Variants in TSPEAR observed in about 807,000 individuals in gnomAD.
The protein encoded by TSPEAR is thrombospondin type laminin G domain and EAR repeats.
A neutral mutation model predicts 71.6 loss-of-function variants in TSPEAR; 69 were observed. The ratio of observed to expected loss-of-function variants is 0.96; its 90% CI spans 0.79 to 1.18. TSPEAR has a LOEUF of 1.18. Ranked by LOEUF, TSPEAR falls within the 50% of genes most tolerant of loss-of-function variation. The pLI is 0.00. For missense variants in TSPEAR, 971 were observed against 894.9 expected, an observed-to-expected ratio of 1.09 and a Z score of -1.09; for synonymous variants, 402 against 387.2, an observed-to-expected ratio of 1.04 and a Z score of -0.45.
chr21:44,523,996 A>G (rs2052792586), intron 8 of TSPEAR, among the ~76,000 whole-genome samples: 1 of 151,506 alleles, frequency 6.6e-6, no homozygotes, highest in Non-Finnish European at 1.5e-5. Flanking sequence ...TCAGTCAGGT[A>G]GTCAGTCAGG....
intron 3 of TSPEAR, among the ~76,000 whole-genome samples, chr21:44,532,739 G>A (rs1025715167): frequency 2.8e-4 from 42 of 152,178 alleles, no homozygotes; most frequent in African/African-American, 9.4e-4. Context: ...CCAACTGGCC[G>A]AGCTAGGGGA....
chr21:44,600,462 C>T, intron 1 of TSPEAR: 1 of 874,996 alleles, frequency 1.1e-6, no homozygotes, highest in Non-Finnish European at 1.7e-6. Flanking sequence ...AGGTTTTAAA[C>T]ACAAACAAGG....
At chr21:44,702,259 T>C (rs1987685510) in intron 1 of TSPEAR, 21 of 1,605,926 alleles carry the variant, frequency 1.3e-5, no homozygotes, top group Non-Finnish European at 1.8e-5. Flanking sequence ...GGTGGACGAC[T>C]GCCCGGAGAG....
At chr21:44,569,281 CTTCT>C (rs1234471980) in intron 1 of TSPEAR, among the ~76,000 whole-genome samples, 2 of 152,140 alleles carry the variant, frequency 1.3e-5, no homozygotes, top group African/African-American at 4.8e-5. Flanking sequence ...GTGATGGGCA[CTTCT>C]TTCTTAGAAA....
chr21:44,577,882 G>C (rs1978565068), intron 1 of TSPEAR, among the ~76,000 whole-genome samples: 1 of 152,224 alleles, frequency 6.6e-6, no homozygotes, highest in Non-Finnish European at 1.5e-5. Context: ...ATCTCATCTT[G>C]AATTCTCACA....
chr21:44,687,410 AAC>A lies in TSPEAR; in HGVS notation c.82+24021_82+24022del, dbSNP rs1388775066. On this transcript the variant is annotated intron_variant, in intron 1 of 11. Transcript: ENST00000323084. This position sits in a 1 kb window ranked among gnomAD's most constrained non-coding sequence, Gnocchi z 4.4. ...GTGCCCATTAGCTGGTGGATGGATA[AAC>A]ACAGCGTGACAGAGCGGTACAGCGG... Among the ~76,000 whole-genome samples the A allele has an allele frequency of 1.3e-5, 2 of 152,192 alleles. No individual in the cohort carries two copies. The highest frequency in any genetic ancestry group is 2.9e-5 in the Non-Finnish European group (2 of 68,030).
At chr21:44,708,766 A>AGGC (rs1555953002) in intron 1 of TSPEAR, among the ~76,000 whole-genome samples, 1 of 152,174 alleles carries the variant, frequency 6.6e-6, no homozygotes, top group Non-Finnish European at 1.5e-5. Context: ...CCTGCAGGGC[A>AGGC]GGCACAGCCC....
At chr21:44,690,430 C>G (rs1292525320) in intron 1 of TSPEAR, 15 of 446,456 alleles carry the variant, frequency 3.4e-5, no homozygotes, top group African/African-American at 3.0e-4. Flanking sequence ...ACAAGTGGTT[C>G]CCATGGGCTT....
intron 2 of TSPEAR, chr21:44,558,625 A>C (rs1347888530): frequency 6.2e-7 from 1 of 1,606,884 alleles, no homozygotes; most frequent in African/African-American, 1.3e-5. Flanking sequence ...GTGGCGCAGC[A>C]GGGGGGCTCA....
At chr21:44,691,923 G>A (rs781906491) in intron 1 of TSPEAR, among the ~76,000 whole-genome samples, 12 of 152,066 alleles carry the variant, frequency 7.9e-5, no homozygotes, top group Non-Finnish European at 1.3e-4. Context: ...AATCACAGAC[G>A]AACATGACTT....
At chr21:44,558,865 G>A (rs782565576) in intron 2 of TSPEAR, 108 of 1,013,744 alleles carry the variant, frequency 1.1e-4, no homozygotes, top group Admixed American at 2.5e-4. Context: ...GCCTGGCTTC[G>A]AGAAGCCTTC....
intron 2 of TSPEAR, chr21:44,551,053 A>C: frequency 6.2e-7 from 1 of 1,612,116 alleles, no homozygotes; most frequent in Middle Eastern, 1.7e-4. Flanking sequence ...GACTGCTGGC[A>C]GGAGGAAGAG....
intron 2 of TSPEAR, among the ~76,000 whole-genome samples, chr21:44,544,075 T>C (rs1431543701): frequency 6.6e-6 from 1 of 152,216 alleles, no homozygotes; most frequent in African/African-American, 2.4e-5. Flanking sequence ...CCATCAGATG[T>C]ATCATTACTT....
chr21:44,537,357 G>A (rs2053106514), intron 2 of TSPEAR, among the ~76,000 whole-genome samples: 1 of 152,172 alleles, frequency 6.6e-6, no homozygotes. Flanking sequence ...TAGAACCAAC[G>A]TTTTTAGAAA....
rs1569240993 is a variant in TSPEAR at position 44,650,420 on chromosome 21, C to CGGCGGCAGAGACTGGGGCCATGTGACGAT, written c.82+61012_82+61013insATCGTCACATGGCCCCAGTCTCTGCCGCC. Among the ~76,000 whole-genome samples, 10 of 149,544 alleles carry CGGCGGCAGAGACTGGGGCCATGTGACGAT rather than the reference C, an allele frequency of 6.7e-5. No individual in the cohort carries two copies. The East Asian group carries it at 1.2e-3, about 18-fold the overall frequency. On this transcript the variant is annotated intron_variant, in intron 1 of 11. Coordinates refer to ENST00000323084, the MANE Select transcript of TSPEAR (RefSeq NM_144991.3). ...GCACCTGGAGAACGCCATGTGACGA[C>CGGCGGCAGAGACTGGGGCCATGTGACGAT]GGCGGCAGAGACTGGGGCCACGTGA...
At position 44,551,560 on chromosome 21, in the gene TSPEAR, C is replaced by G. The variant is rs587771293; in HGVS notation, c.303+16225G>C. Reference sequence around the variant, plus strand: ...TGTGTGAGCCTGTTGGCTGCTGGGGCTTTTATATGCCCAGGGCCTGTGTTT... The same window carrying G: ...TGTGTGAGCCTGTTGGCTGCTGGGGGTTTTATATGCCCAGGGCCTGTGTTT... On this transcript the variant is annotated intron_variant, in intron 2 of 11. Transcript: ENST00000323084. The G allele has an allele frequency of 5.0e-5, 73 of 1,473,214 alleles. 1 individual carries two copies. In the South Asian group the frequency reaches 8.4e-4, roughly 17 times the overall value. 91.3% of individuals were successfully genotyped at this position (1,473,214 alleles called of 1,614,324 possible).
intron 1 of TSPEAR, among the ~76,000 whole-genome samples, chr21:44,637,140 G>A (rs1364411458): frequency 6.6e-6 from 1 of 152,128 alleles, no homozygotes; most frequent in Admixed American, 6.5e-5. Context: ...TGGTGTTCCC[G>A]GGAGACAGGC....
intron 1 of TSPEAR, among the ~76,000 whole-genome samples, chr21:44,701,499 T>C (rs1192260041): frequency 6.6e-6 from 1 of 152,232 alleles, no homozygotes; most frequent in Non-Finnish European, 1.5e-5. Flanking sequence ...GAAATAATCA[T>C]ACAACTCACC....
chr21:44,547,967 T>C (rs1237809713), intron 2 of TSPEAR, among the ~76,000 whole-genome samples: 1 of 152,214 alleles, frequency 6.6e-6, no homozygotes, highest in Non-Finnish European at 1.5e-5. Context: ...ATCTCCCACC[T>C]CCCTTATTCC....
Sources: allele counts gnomAD v4.1 joint callset (sites outside exome capture counted in the v4.1 genomes callset), GRCh38; gene constraint gnomAD v4.1.1; non-coding constraint Gnocchi (gnomAD v3.1); transcripts MANE v1.5; gene names NCBI Gene and HGNC (gene_info 2026-07-23, HGNC 2026-07-21).